Variants in TBC1D22A observed in about 807,000 individuals in gnomAD.
TBC1D22A encodes putative GTPase activator.
In TBC1D22A, 38 loss-of-function variants were observed where a neutral mutation model predicts 60.2. The observed-to-expected ratio is 0.63, with a 90% CI of 0.49 to 0.83. The LOEUF (loss-of-function observed/expected upper bound fraction) is 0.83. TBC1D22A is among the 40% of genes least tolerant of loss of function. TBC1D22A has a pLI of 0.00. For missense variants in TBC1D22A, 628 were observed against 701.0 expected (o/e 0.90, Z 1.18); for synonymous variants, 302 against 281.7 (o/e 1.07, Z -0.72).
At chr22:47,054,456 C>T (rs1489714439) in intron 11 of TBC1D22A, among the ~76,000 whole-genome samples, 2 of 152,214 alleles carry the variant, frequency 1.3e-5, no homozygotes, top group Non-Finnish European at 2.9e-5. Flanking sequence ...TCCCACTCTG[C>T]CCTGCTTCCT....
chr22:46,896,143 G>A (rs549153720), intron 7 of TBC1D22A, among the ~76,000 whole-genome samples: 2 of 152,216 alleles, frequency 1.3e-5, no homozygotes, highest in East Asian at 1.9e-4. Flanking sequence ...GTATATTTAC[G>A]GATGTCTTCT....
intron 1 of TBC1D22A, among the ~76,000 whole-genome samples, chr22:46,782,296 G>A (rs932168593): frequency 1.3e-5 from 2 of 152,176 alleles, no homozygotes; most frequent in South Asian, 4.1e-4. Context: ...CTTGTGATCT[G>A]CCTGCCTCGG....
At chr22:46,779,489 C>T (rs1401331617) in intron 1 of TBC1D22A, among the ~76,000 whole-genome samples, 1 of 152,148 alleles carries the variant, frequency 6.6e-6, no homozygotes, top group Non-Finnish European at 1.5e-5. Context: ...GAACTCCTGA[C>T]CTCAGGTGAT....
At position 47,170,663 on chromosome 22, in the gene TBC1D22A, C is replaced by G. The variant is rs867087182; in HGVS notation, c.1426-2835C>G. 2.6e-4 allele frequency among the ~76,000 whole-genome samples: 37 copies of G among 144,400 alleles called. 2 individuals are homozygous for G. The highest frequency in any genetic ancestry group is 6.5e-4 in the African/African-American group (25 of 38,310). 94.7% of individuals were successfully genotyped at this position (144,400 alleles called of 152,430 possible). Reference sequence around the variant, plus strand: ...AGAGAGGACAGTCCTGGTGTGTAACCCTCCTGATGCAGGACCAGAGAGAGG... The same window carrying G: ...AGAGAGGACAGTCCTGGTGTGTAACGCTCCTGATGCAGGACCAGAGAGAGG... On this transcript the variant is annotated intron_variant, in intron 12 of 12. Transcript: ENST00000337137.
intron 1 of TBC1D22A, among the ~76,000 whole-genome samples, chr22:46,781,725 T>G (rs1270586571): frequency 2.0e-5 from 3 of 152,198 alleles, no homozygotes; most frequent in Non-Finnish European, 4.4e-5. Context: ...CCGGAGTATC[T>G]TGTCCCTTGT....
In TBC1D22A at chr22:47,073,516, C is replaced by T. The variant is rs574717662; in HGVS notation, c.1329+36318C>T. 1.1e-4 allele frequency among the ~76,000 whole-genome samples: 16 copies of T among 152,178 alleles called. 1 individual carries two copies. The East Asian group carries it at 2.1e-3, about 20-fold the overall frequency. ...AGGCTGCGGGGAAAAACCATGAAGC[C>T]TCATAAATATATACAATGATTGTGT... On this transcript the variant is annotated intron_variant, in intron 11 of 12. Coordinates refer to ENST00000337137, the MANE Select transcript of TBC1D22A (RefSeq NM_014346.5).
rs149291470 is a variant in TBC1D22A at position 47,056,081 on chromosome 22, G to A, written c.1329+18883G>A. Among the ~76,000 whole-genome samples, 349 of 152,238 alleles carry A rather than the reference G, an allele frequency of 2.3e-3. 3 individuals carry two copies. The East Asian group carries it at 0.054, about 24-fold the overall frequency. On this transcript the variant is annotated intron_variant, in intron 11 of 12. Coordinates refer to ENST00000337137, the MANE Select transcript of TBC1D22A (RefSeq NM_014346.5). ...TTAGGTGTCCCGTGCACACATCAGC[G>A]ACTGCCCTTGTCTTGGGTCTGTTTG...
At chr22:46,774,095 C>T in intron 1 of TBC1D22A, 1 of 985,684 alleles carries the variant, frequency 1.0e-6, no homozygotes, top group Non-Finnish European at 1.2e-6. Context: ...CGCACCCATC[C>T]TCCTGTTTGA....
At chr22:47,144,477 C>A (rs1001947286) in intron 12 of TBC1D22A, among the ~76,000 whole-genome samples, 2 of 152,238 alleles carry the variant, frequency 1.3e-5, no homozygotes, top group South Asian at 4.1e-4. Flanking sequence ...CCACGCAAGG[C>A]GGTCTGTGTG....
chr22:46,808,696 G>A (rs913015688), intron 4 of TBC1D22A, among the ~76,000 whole-genome samples: 17 of 152,068 alleles, frequency 1.1e-4, no homozygotes, highest in South Asian at 2.1e-4. Context: ...CTGAGTTCAC[G>A]CCATTCTCTT....
chr22:47,143,669 A>G (rs2067185696), intron 12 of TBC1D22A, among the ~76,000 whole-genome samples: 1 of 152,188 alleles, frequency 6.6e-6, no homozygotes, highest in African/African-American at 2.4e-5. Flanking sequence ...GAGCTCTCTG[A>G]TGGACACCCA....
intron 8 of TBC1D22A, among the ~76,000 whole-genome samples, chr22:46,917,319 G>C (rs1425058736): frequency 6.6e-6 from 1 of 152,158 alleles, no homozygotes. Context: ...AGACACTGAG[G>C]GGTACAGGAG....
At chr22:47,072,488 T>A (rs149510486) in intron 11 of TBC1D22A, among the ~76,000 whole-genome samples, 230 of 152,368 alleles carry the variant, frequency 1.5e-3, no homozygotes, top group African/African-American at 5.2e-3. Context: ...GGCCTTCCCC[T>A]GAGAGCTTGC....
At chr22:46,925,606 T>C (rs2071004530) in intron 8 of TBC1D22A, among the ~76,000 whole-genome samples, 1 of 152,388 alleles carries the variant, frequency 6.6e-6, no homozygotes, top group East Asian at 1.9e-4. Context: ...CCTTTTACTC[T>C]GTAGATTCTT....
At chr22:46,937,637 T>C (rs927321410) in intron 8 of TBC1D22A, among the ~76,000 whole-genome samples, 3 of 152,210 alleles carry the variant, frequency 2.0e-5, no homozygotes, top group African/African-American at 7.2e-5. Context: ...CAGGCTGGTC[T>C]TTCAGGAGGT....
intron 3 of TBC1D22A, 150 bp downstream of exon 3, chr22:46,793,991 A>T (rs2084541658): frequency 1.3e-6 from 1 of 786,228 alleles, no homozygotes. Flanking sequence ...TTCTCTTCCA[A>T]GGGTAGGGGA....
At chr22:46,765,938 C>T (rs2083266123) in intron 1 of TBC1D22A, among the ~76,000 whole-genome samples, 1 of 148,804 alleles carries the variant, frequency 6.7e-6, no homozygotes, top group South Asian at 2.1e-4. Flanking sequence ...AGGCACTGGC[C>T]ACCACGCCCA....
intron 7 of TBC1D22A, among the ~76,000 whole-genome samples, chr22:46,903,793 C>G (rs1047488764): frequency 5.3e-5 from 8 of 152,172 alleles, no homozygotes; most frequent in African/African-American, 1.9e-4. Flanking sequence ...GACTTCTTTT[C>G]TGGCTGAGAC....
intron 4 of TBC1D22A, among the ~76,000 whole-genome samples, chr22:46,874,711 T>G (rs963735599): frequency 6.6e-6 from 1 of 151,692 alleles, no homozygotes; most frequent in Non-Finnish European, 1.5e-5. Flanking sequence ...GTAGCTGGGA[T>G]TACAGGTGCA....
Sources: gnomAD v4.1 joint callset for allele counts (sites outside exome capture counted in the v4.1 genomes callset) on GRCh38, gnomAD v4.1.1 for gene constraint, MANE v1.5 for transcripts, NCBI Gene and HGNC (gene_info 2026-07-23, HGNC 2026-07-21) for gene names.